FAM107A: variants seen among roughly 807,000 people sequenced by gnomAD.
FAM107A encodes the protein family with sequence similarity 107 member A, also known as actin-associated protein FAM107A.
A neutral mutation model predicts 13.7 loss-of-function variants in FAM107A; 19 were observed. The observed-to-expected ratio is 1.38, with a 90% confidence interval of 0.97 to 2.03. FAM107A has a LOEUF of 2.03. Ranked by LOEUF, FAM107A falls within the 30% of genes most tolerant of loss-of-function variation. The pLI, the probability that FAM107A is intolerant of heterozygous loss-of-function variation, is 0.00. For synonymous variants in FAM107A, 82 were observed against 74.5 expected, an observed-to-expected ratio of 1.10 and a Z score of -0.52; for missense variants, 203 against 184.4, an observed-to-expected ratio of 1.10 and a Z score of -0.58.
intron 1 of FAM107A, among the ~76,000 whole-genome samples, chr3:58,616,782 C>CT (rs569970348): frequency 1.7e-4 from 26 of 148,720 alleles, no homozygotes; most frequent in African/African-American, 4.2e-4. Flanking sequence ...TCCCCAGTTT[C>CT]TTTTTTTTTT....
chr3:58,612,254 T>C (rs990356272), intron 1 of FAM107A, among the ~76,000 whole-genome samples: 11 of 152,142 alleles, frequency 7.2e-5, no homozygotes, highest in African/African-American at 2.7e-4. Flanking sequence ...AACTGTGGCA[T>C]GTTGGTATCA....
chr3:58,575,093 C>G (rs1021856462), intron 1 of FAM107A, among the ~76,000 whole-genome samples: 1 of 152,216 alleles, frequency 6.6e-6, no homozygotes, highest in South Asian at 2.1e-4. Context: ...ACTTGCCTCT[C>G]CACTGTTCTG....
At chr3:58,626,937 C>T (rs1006756074) in intron 1 of FAM107A, 1 of 1,534,890 alleles carries the variant, frequency 6.5e-7, no homozygotes, top group Non-Finnish European at 8.7e-7. Flanking sequence ...CTTCCCATGA[C>T]CAGGGCCCCA....
chr3:58,582,039 T>C (rs187395619), upstream of FAM107A, among the ~76,000 whole-genome samples: 2 of 152,286 alleles, frequency 1.3e-5, no homozygotes, highest in East Asian at 3.9e-4. Context: ...TGTGTGTGTG[T>C]ATGTGTGCGC....
Position 58,569,963 on chromosome 3 carries a change from A to G in FAM107A, c.-5-98T>C, listed in dbSNP as rs565760429. 620 of 1,197,568 alleles carry G rather than the reference A, an allele frequency of 5.2e-4. 2 individuals are homozygous for G. The highest frequency in any genetic ancestry group is 1.7e-3 in the South Asian group (116 of 66,362). The allele number at this position is 1,197,568 out of a possible 1,614,324, so 74.2% of individuals were successfully genotyped here. On this transcript the variant is annotated intron_variant, in intron 1 of 3. Coordinates refer to ENST00000360997, the MANE Select transcript of FAM107A (RefSeq NM_001076778.3). The surrounding 1 kb of genome is among the most constrained non-coding windows in gnomAD (Gnocchi z 5.7). ...AGGGCAAGGTTTTCATGTCAGATGG[A>G]CCTTGGCCACCTGCTACTGCGCATA...
intron 1 of FAM107A, chr3:58,609,199 C>G (rs1387000619): frequency 2.6e-5 from 4 of 152,188 alleles, no homozygotes; most frequent in African/African-American, 9.7e-5. Flanking sequence ...CAGCCACTCT[C>G]TTCTGGCTGT....
Position 58,567,265 on chromosome 3 carries a change from C to A in FAM107A, c.270G>T (p.Lys90Asn). 5.6e-6 allele frequency: 9 copies of A among 1,614,124 alleles called. No individual in the cohort carries two copies. Among genetic ancestry groups the A allele is most frequent in the Admixed American group, 1.7e-5 (1 of 60,028 alleles). Residue 90 changes from lysine (K) to asparagine (N), a missense_variant, in exon 3 of 4, where the codon AAG becomes AAT. By Grantham distance (94) the Lys-to-Asn change is moderately conservative (BLOSUM62 0). Coordinates refer to ENST00000360997, the MANE Select transcript of FAM107A (RefSeq NM_001076778.3). ...CCTGCTCAAAGGGGCACTGCAGCCG[C>A]TTGGCTTCCAGCTCCTCCTTCTTCT... ...IKKKKEELEA[K>N]RLQCPFEQEL... is the part of the protein sequence containing the mutation.
At chr3:58,587,471 T>G (rs1365671289), upstream of FAM107A, among the ~76,000 whole-genome samples, 1 of 116,494 alleles carries the variant, frequency 8.6e-6, no homozygotes, top group African/African-American at 3.2e-5. Flanking sequence ...TTAATCAGCT[T>G]AGAGTGTGTG....
chr3:58,584,354 TGAAG>T (rs889048744), intron 1 of FAM107A, among the ~76,000 whole-genome samples: 31 of 152,212 alleles, frequency 2.0e-4, no homozygotes, highest in East Asian at 1.9e-4. Flanking sequence ...AATAAATGAA[TGAAG>T]GGAGTTGATG....
upstream of FAM107A, chr3:58,587,223 AAC>A (rs909582945): frequency 1.8e-5 from 13 of 741,856 alleles, no homozygotes; most frequent in African/African-American, 2.4e-4. Context: ...CCAAGGCGAG[AAC>A]ACAGTGTCCT....
At chr3:58,577,687 T>G, upstream of FAM107A, 1 of 985,328 alleles carries the variant, frequency 1.0e-6, no homozygotes, top group Non-Finnish European at 1.2e-6. The surrounding 1 kb of genome is among the most constrained non-coding windows in gnomAD (Gnocchi z 4.9). Flanking sequence ...GAATTTCCCT[T>G]GTTTCTTATG....
chr3:58,596,199 C>T (rs182298882), intron 1 of FAM107A, among the ~76,000 whole-genome samples: 4 of 152,248 alleles, frequency 2.6e-5, no homozygotes, highest in African/African-American at 9.6e-5. Flanking sequence ...CTGGTGGCCT[C>T]AATGATCCTA....
intron 1 of FAM107A, among the ~76,000 whole-genome samples, chr3:58,611,772 G>A (rs1277368330): frequency 6.6e-6 from 1 of 152,212 alleles, no homozygotes; most frequent in African/African-American, 2.4e-5. Context: ...CCGTAAAATG[G>A]GGATAACAGT....
chr3:58,579,184 G>C (rs779888255), upstream of FAM107A, among the ~76,000 whole-genome samples: 2 of 152,060 alleles, frequency 1.3e-5, no homozygotes, highest in African/African-American at 4.8e-5. Flanking sequence ...GAGAGTCTTC[G>C]TAGGGTGGGA....
chr3:58,590,177 A>T (rs2065644159), upstream of FAM107A, among the ~76,000 whole-genome samples: 1 of 152,130 alleles, frequency 6.6e-6, no homozygotes, highest in Non-Finnish European at 1.5e-5. Flanking sequence ...GGCACCTGAA[A>T]CTCACCATGG....
intron 1 of FAM107A, among the ~76,000 whole-genome samples, chr3:58,626,558 A>G (rs1251087442): frequency 1.3e-5 from 2 of 152,178 alleles, no homozygotes; most frequent in African/African-American, 2.4e-5. Context: ...AGAAAGCTTA[A>G]ATAACTTGCC....
At chr3:58,576,345 C>A (rs1292272754) in intron 1 of FAM107A, among the ~76,000 whole-genome samples, 2 of 152,328 alleles carry the variant, frequency 1.3e-5, no homozygotes, top group East Asian at 3.9e-4. Context: ...GAGTCCAGGG[C>A]TAGACATGGA....
chr3:58,626,960 G>C, intron 1 of FAM107A: 1 of 1,535,872 alleles, frequency 6.5e-7, no homozygotes, highest in African/African-American at 1.4e-5. Flanking sequence ...AGGACACTTA[G>C]AGGTTCCTAC....
chr3:58,615,636 C>G (rs1436552545), intron 1 of FAM107A, among the ~76,000 whole-genome samples: 2 of 152,112 alleles, frequency 1.3e-5, no homozygotes, highest in Non-Finnish European at 2.9e-5. Context: ...TGCCTTATGC[C>G]TGTAATCCCA....
Sources: gnomAD v4.1 joint callset for allele counts (sites outside exome capture counted in the v4.1 genomes callset) on GRCh38, gnomAD v4.1.1 for gene constraint, Gnocchi (gnomAD v3.1) non-coding constraint, MANE v1.5 for transcripts, NCBI Gene and HGNC (gene_info 2026-07-23, HGNC 2026-07-21) for gene names.